Variants in TESC observed in about 807,000 individuals in gnomAD.
TESC encodes calcineurin B homologous protein 3.
In TESC, 19 loss-of-function variants were observed where a neutral mutation model predicts 31.0. The ratio of observed to expected loss-of-function variants is 0.61; its 90% CI spans 0.43 to 0.90. The LOEUF is 0.90. Ranked by LOEUF, TESC falls within the 40% of genes least tolerant of loss-of-function variation. The probability of loss-of-function intolerance (pLI) is 0.00; values close to 1 mark genes in which losing one functional copy is unlikely to be tolerated. For missense variants in TESC, 248 were observed against 303.8 expected (o/e 0.82, Z 1.36); for synonymous variants, 109 against 114.8 (o/e 0.95, Z 0.32).
chr12:117,083,564 G>T (rs747921236), intron 1 of TESC, among the ~76,000 whole-genome samples: 5 of 152,214 alleles, frequency 3.3e-5, no homozygotes, highest in Admixed American at 6.5e-5. Flanking sequence ...AGCAAAAAAA[G>T]AAATGAAGCA....
intron 1 of TESC, chr12:117,083,994 T>A (rs1955182900): frequency 6.6e-6 from 1 of 151,132 alleles, no homozygotes; most frequent in African/African-American, 2.4e-5. Flanking sequence ...CTGGGGAGGC[T>A]GACGCAGGAG....
At chr12:117,056,597 A>C (rs1350857965) in intron 3 of TESC, among the ~76,000 whole-genome samples, 2 of 152,222 alleles carry the variant, frequency 1.3e-5, no homozygotes, top group African/African-American at 4.8e-5. Flanking sequence ...CAATGAACAC[A>C]GAGGCCTAGA....
chr12:117,093,898 C>T (rs1955352568), intron 1 of TESC, among the ~76,000 whole-genome samples: 1 of 152,040 alleles, frequency 6.6e-6, no homozygotes, highest in Admixed American at 6.6e-5. Context: ...TCCCAGAATC[C>T]TCTGTCTTAT....
intron 6 of TESC, among the ~76,000 whole-genome samples, chr12:117,045,123 C>T (rs1954539207): frequency 6.6e-6 from 1 of 152,190 alleles, no homozygotes; most frequent in African/African-American, 2.4e-5. Flanking sequence ...CCGAGGTTTA[C>T]ACCAGAAGGT....
intron 6 of TESC, 83 bp downstream of exon 6, chr12:117,046,476 C>T: frequency 7.3e-7 from 1 of 1,363,696 alleles, no homozygotes; most frequent in South Asian, 1.4e-5. Flanking sequence ...ACACCTGGCC[C>T]CTGCCCCATG....
intron 1 of TESC, among the ~76,000 whole-genome samples, chr12:117,094,034 C>T (rs1440775169): frequency 2.6e-5 from 4 of 152,032 alleles, no homozygotes; most frequent in African/African-American, 9.7e-5. Context: ...CCGTCAGGTC[C>T]CACTTTGTAC....
intron 4 of TESC, among the ~76,000 whole-genome samples, 155 bp from the exon 5 acceptor site, chr12:117,046,993 T>C (rs10774899): frequency 0.45 from 68,503 of 151,980 alleles, 17,855 homozygotes; most frequent in African/African-American, 0.73. Context: ...CCAGACTGAC[T>C]ACTTCCTACT....
rs1955046810 is a variant in TESC at position 117,075,849 on chromosome 12, A to ATATATATATATATATATGTG, written c.59-510_59-509insCACATATATATATATATATA. On this transcript the variant is annotated intron_variant, in intron 1 of 7. Transcript: ENST00000335209. ...CCGGCTAATTTTCGTGTGTGTGTGT[A>ATATATATATATATATATGTG]TATATATATATATATATATATGTGT... 2.9e-4 allele frequency among the ~76,000 whole-genome samples: 7 copies of ATATATATATATATATATGTG among 24,014 alleles called. 1 individual carries two copies. Among genetic ancestry groups the ATATATATATATATATATGTG allele is most frequent in the South Asian group, 2.1e-3 (1 of 472 alleles). The allele number at this position is 24,014 out of a possible 152,430, so 15.8% of individuals were successfully genotyped here.
chr12:117,064,406 C>G (rs1339593104), intron 2 of TESC, among the ~76,000 whole-genome samples: 2 of 152,198 alleles, frequency 1.3e-5, no homozygotes, highest in African/African-American at 2.4e-5. Flanking sequence ...AGCTGGACAA[C>G]GTCGCCAAGA....
chr12:117,082,458 T>A (rs1378822856), intron 1 of TESC, among the ~76,000 whole-genome samples: 1 of 146,932 alleles, frequency 6.8e-6, no homozygotes, highest in Non-Finnish European at 1.5e-5. Context: ...GAGCCAAGAG[T>A]GCCATCACAC....
chr12:117,075,334 G>C lies in TESC; in HGVS notation c.65C>G (p.Ser22Trp), dbSNP rs562957217. Residue 22 changes from serine to tryptophan, a missense_variant, in exon 2 of 8, where the codon TCG (serine) becomes TGG (tryptophan). Coordinates refer to ENST00000335209, the MANE Select transcript of TESC (RefSeq NM_017899.4). Reference protein sequence around the residue: ...RELEGKTGFSSDQIEQLHRRF... With the variant: ...RELEGKTGFSWDQIEQLHRRF... ...CCGATGGAGCTGCTCGATCTGATCC[G>C]ATGAGACTGAGAAGTGGGGGAAAGA... The C allele has an allele frequency of 1.2e-6, 2 of 1,609,590 alleles. No homozygotes were observed. Among genetic ancestry groups the C allele is most frequent in the East Asian group, 2.2e-5 (1 of 44,874 alleles).
At chr12:117,075,887 A>ATATATATATGTGTG (rs1955055270) in intron 1 of TESC, among the ~76,000 whole-genome samples, 1 of 62,456 alleles carries the variant, frequency 1.6e-5, no homozygotes, top group Non-Finnish European at 2.9e-5. Context: ...ATATATATAT[A>ATATATATATGTGTG]TATATATATA....
chr12:117,086,629 G>T (rs1378082822), intron 1 of TESC, among the ~76,000 whole-genome samples: 1 of 151,598 alleles, frequency 6.6e-6, no homozygotes, highest in Non-Finnish European at 1.5e-5. Context: ...GTAGAGACAG[G>T]GTCTTGCTAT....
At chr12:117,087,023 C>T (rs1286330837) in intron 1 of TESC, among the ~76,000 whole-genome samples, 1 of 152,220 alleles carries the variant, frequency 6.6e-6, no homozygotes, top group Non-Finnish European at 1.5e-5. Context: ...GCCTCCTTAG[C>T]CTTGCAGGGG....
chr12:117,078,247 A>C (rs1423576090), intron 1 of TESC, among the ~76,000 whole-genome samples: 5 of 152,290 alleles, frequency 3.3e-5, no homozygotes, highest in Non-Finnish European at 1.5e-5. Context: ...GTGGGCAGAG[A>C]TCACTTGAGG....
chr12:117,058,694 G>A (rs1478014294), intron 2 of TESC, among the ~76,000 whole-genome samples: 3 of 147,642 alleles, frequency 2.0e-5, no homozygotes, highest in Non-Finnish European at 4.4e-5. Context: ...AGTGAGCTAT[G>A]ATGGTGCCAC....
At position 117,038,936 on chromosome 12, in the gene TESC, CTT is replaced by C. The variant is rs543223333; in HGVS notation, c.*195_*196del. The C allele has an allele frequency of 0.022, 10,190 of 463,710 alleles. 79 individuals are homozygous for C. The highest frequency in any genetic ancestry group is 0.066 in the African/African-American group (3,285 of 49,824). 28.7% of individuals were successfully genotyped at this position (463,710 alleles called of 1,614,324 possible). ...ACAGAGGCCACATTAATTAACAAAC[CTT>C]TTTTTTTTTTTTATTGGAGATAAAA... On this transcript the variant is annotated 3_prime_UTR_variant, in exon 8 of 8. Coordinates refer to ENST00000335209, the MANE Select transcript of TESC (RefSeq NM_017899.4).
intron 1 of TESC, 70 bp from the exon 2 acceptor site, chr12:117,075,410 A>G: frequency 1.3e-6 from 2 of 1,559,090 alleles, no homozygotes; most frequent in Non-Finnish European, 1.7e-6. Flanking sequence ...GGGAGGCTGC[A>G]GATATTCTTT....
In TESC at chr12:117,046,810, G is replaced by A. The variant is rs770591239; in HGVS notation, c.378C>T (p.Ser126=). 6.4e-6 allele frequency: 10 copies of A among 1,571,704 alleles called. No individual in the cohort carries two copies. The highest frequency in any genetic ancestry group is 4.7e-5 in the East Asian group (2 of 43,002). The change falls in exon 5 of 8, where the codon AGC becomes AGT. Residue 126 remains serine, a synonymous_variant. Transcript: ENST00000335209. ...RFLFHMYDSD[S]DGRITLEEYR... ...ATTCTTCCAGAGTGATGCGGCCGTC[G>A]CTGTCCGAGTCGTACATGTGGAACA...
Sources: gnomAD v4.1 joint callset for allele counts (sites outside exome capture counted in the v4.1 genomes callset) on GRCh38, gnomAD v4.1.1 for gene constraint, MANE v1.5 for transcripts, NCBI Gene and HGNC (gene_info 2026-07-23, HGNC 2026-07-21) for gene names.